Variants in RASA2 observed in about 807,000 individuals in gnomAD.
RASA2 encodes RAS p21 protein activator 2, also known as ras GTPase-activating protein 2.
RASA2 carries 155 observed loss-of-function variants against 118.2 expected under a neutral mutation model. The observed-to-expected ratio is 1.31, with a 90% CI of 1.15 to 1.50. The LOEUF (loss-of-function observed/expected upper bound fraction) is 1.50. RASA2 is among the 40% of genes most tolerant of loss of function. The pLI is 0.00. For missense variants in RASA2, 1,016 were observed against 1,009.6 expected, an observed-to-expected ratio of 1.01 and a Z score of -0.09; for synonymous variants, 353 against 349.1, an observed-to-expected ratio of 1.01 and a Z score of -0.12.
In RASA2 at chr3:141,512,295, T is replaced by A. The variant is rs765333641; in HGVS notation, c.251+15T>A. 14 of 1,512,304 alleles carry A rather than the reference T, an allele frequency of 9.3e-6. No homozygotes were observed. The highest frequency in any genetic ancestry group is 1.3e-5 in the Non-Finnish European group (14 of 1,107,836). 93.7% of individuals were successfully genotyped at this position (1,512,304 alleles called of 1,614,324 possible). A position where few individuals can be genotyped will look rare whatever the true frequency, so the allele number is the denominator to read the frequency against. On this transcript the variant is annotated intron_variant, in intron 2 of 23. Transcript: ENST00000286364. ...AAATCTTTAAGGTTGGTAGAAAAAA[T>A]TGGTAAATTATAATTTTTACTATAT... is the stretch of plus-strand genomic sequence containing the variant.
At position 141,487,196 on chromosome 3, in the gene RASA2, A is replaced by G; in HGVS notation, c.113A>G (p.Gln38Arg). 6.9e-7 allele frequency: 1 copy of G among 1,452,006 alleles called. No homozygotes were observed. The allele number at this position is 1,452,006 out of a possible 1,614,324, so 89.9% of individuals were successfully genotyped here. ...GACAGTCGCGAGGTTCGAGTGTTGC[A>G]GAGCCTGCGGGGCAAGATCTGTAAG... ...DQDSREVRVL[Q>R]SLRGKICEAK... Residue 38 changes from glutamine (Q) to arginine (R), a missense_variant, in exon 1 of 24, where the codon CAG (glutamine) becomes CGG (arginine). Gln to Arg is a conservative substitution (Grantham distance 43). Around this residue, in one of 2 missense-constraint regions of RASA2, gnomAD observed 896 missense variants for 836.4 expected, o/e 1.07. Coordinates refer to ENST00000286364, the MANE Select transcript of RASA2 (RefSeq NM_006506.5).
chr3:141,502,279 C>CT (rs532722563), intron 1 of RASA2, among the ~76,000 whole-genome samples: 2 of 152,020 alleles, frequency 1.3e-5, no homozygotes, highest in Non-Finnish European at 2.9e-5. Flanking sequence ...TCTATTTTTT[C>CT]TTTCCTCCTA....
At chr3:141,550,814 G>A (rs1022043082) in intron 5 of RASA2, among the ~76,000 whole-genome samples, 9 of 152,258 alleles carry the variant, frequency 5.9e-5, no homozygotes, top group South Asian at 2.1e-4. Context: ...CCGAGATTGC[G>A]CCACTGCACT....
chr3:141,540,596 C>G lies in RASA2; in HGVS notation c.514C>G (p.Gln172Glu). ...LITENGTVCQ[Q>E]LVVHIKACHG... Reference sequence around the variant, plus strand: ...AACGGAGAATGGAACTGTATGCCAGCAGCTTGTTGTACAGTAAGCATTTTT... The same window carrying G: ...AACGGAGAATGGAACTGTATGCCAGGAGCTTGTTGTACAGTAAGCATTTTT... Residue 172 changes from glutamine (Q) to glutamate (E), a missense_variant, in exon 5 of 24, where the codon CAG (glutamine) becomes GAG (glutamate). Gln to Glu is a conservative substitution (Grantham distance 29). Coordinates refer to ENST00000286364, the MANE Select transcript of RASA2 (RefSeq NM_006506.5). 6.2e-7 allele frequency: 1 copy of G among 1,611,630 alleles called. No homozygotes were observed. The highest frequency in any genetic ancestry group is 8.5e-7 in the Non-Finnish European group (1 of 1,178,182).
At chr3:141,539,487 G>A (rs1195296068) in intron 4 of RASA2, among the ~76,000 whole-genome samples, 1 of 152,124 alleles carries the variant, frequency 6.6e-6, no homozygotes, top group African/African-American at 2.4e-5. Context: ...AAAATAGTGA[G>A]GGTGTTTCAG....
At chr3:141,599,213 TTGAAGATTGAGTTTC>T (rs1027947448) in intron 19 of RASA2, among the ~76,000 whole-genome samples, 1 of 151,606 alleles carries the variant, frequency 6.6e-6, no homozygotes, top group Admixed American at 6.6e-5. Context: ...TGTTTGTGGA[TTGAAGATTGAGTTTC>T]TTTGTTTTTT....
At position 141,612,672 on chromosome 3, in the gene RASA2, A is replaced by T. The variant is rs1577841388; in HGVS notation, c.*359A>T. 1.1e-5 allele frequency: 2 copies of T among 187,306 alleles called. 1 individual carries two copies. The allele number at this position is 187,306 out of a possible 1,614,324, so 11.6% of individuals were successfully genotyped here. A position where few individuals can be genotyped will look rare whatever the true frequency, so the allele number is the denominator to read the frequency against. On this transcript the variant is annotated 3_prime_UTR_variant, in exon 24 of 24. Coordinates refer to ENST00000286364, the MANE Select transcript of RASA2 (RefSeq NM_006506.5). ...CACTCTGTTCTGTGGACTTGTTTTC[A>T]CTACCATCAGTGCCTGCTCTATACT...
At chr3:141,586,617 C>G in intron 18 of RASA2, 29 bp from the exon 19 acceptor site, 1 of 1,468,352 alleles carries the variant, frequency 6.8e-7, no homozygotes, top group East Asian at 2.3e-5. Context: ...ATTTTTATAG[C>G]TAAATGTTTA....
intron 4 of RASA2, among the ~76,000 whole-genome samples, chr3:141,536,034 T>C (rs2082321078): frequency 6.6e-6 from 1 of 152,242 alleles, no homozygotes; most frequent in South Asian, 2.1e-4. Context: ...TATTTTTGTG[T>C]GAAATTTTTG....
At position 141,614,528 on chromosome 3, in the gene RASA2, A is replaced by G. The variant is rs1486952393; in HGVS notation, c.*2215A>G. On this transcript the variant is annotated 3_prime_UTR_variant, in exon 24 of 24. Coordinates refer to ENST00000286364, the MANE Select transcript of RASA2 (RefSeq NM_006506.5). ...CTGATATTCTTTCTCTACCTTTTCCACATTTGAAAATATACAAGGCAGCTC... is the reference window on the plus strand; with the variant it reads ...CTGATATTCTTTCTCTACCTTTTCCGCATTTGAAAATATACAAGGCAGCTC... The G allele has an allele frequency of 2.6e-5, 4 of 152,160 alleles. No individual in the cohort carries two copies. Among genetic ancestry groups the G allele is most frequent in the Non-Finnish European group, 5.9e-5 (4 of 68,030 alleles). 9.4% of individuals were successfully genotyped at this position (152,160 alleles called of 1,614,324 possible).
chr3:141,505,658 G>A (rs1328760877), intron 1 of RASA2, among the ~76,000 whole-genome samples: 4 of 152,190 alleles, frequency 2.6e-5, no homozygotes, highest in African/African-American at 9.7e-5. Context: ...TTTTGTGCCA[G>A]ACTAAGGAAT....
At chr3:141,528,545 C>A (rs1226431285) in intron 3 of RASA2, among the ~76,000 whole-genome samples, 2 of 151,088 alleles carry the variant, frequency 1.3e-5, no homozygotes, top group African/African-American at 4.9e-5. Context: ...ATCTTTTTTT[C>A]TTTTTTCCAG....
rs201049693 is a variant in RASA2 at position 141,529,789 on chromosome 3, A to G, written c.437A>G (p.Asn146Ser). Residue 146 changes from asparagine to serine, a missense_variant, in exon 4 of 24, where the codon AAT (asparagine) becomes AGT (serine). This residue lies in a region of RASA2 where 896 missense variants were observed against 836.4 expected (regional missense o/e 1.07). Transcript: ENST00000286364. The part of the protein sequence containing the change: ...TWFSLQPVDS[N>S]SEVQGKVHLE... ...TTTTCATTACAGCCTGTTGACTCCA[A>G]TTCAGAGGTTCAGGTAAATATTAAG... is the stretch of plus-strand genomic sequence containing the variant. 1.3e-5 allele frequency: 21 copies of G among 1,604,896 alleles called. No individual in the cohort carries two copies. The highest frequency in any genetic ancestry group is 1.5e-5 in the Non-Finnish European group (18 of 1,172,124).
intron 9 of RASA2, among the ~76,000 whole-genome samples, chr3:141,568,480 T>C (rs1177444981): frequency 2.6e-5 from 4 of 151,678 alleles, no homozygotes; most frequent in African/African-American, 9.7e-5. Context: ...GTTTTGAAGA[T>C]AGGAAAAAAG....
intron 1 of RASA2, among the ~76,000 whole-genome samples, chr3:141,490,871 A>G (rs562065517): frequency 4.6e-5 from 7 of 152,304 alleles, no homozygotes; most frequent in African/African-American, 1.4e-4. Flanking sequence ...ACGGGTTGTT[A>G]TGAGGTTTAA....
intron 14 of RASA2, among the ~76,000 whole-genome samples, chr3:141,575,690 ATACTC>A (rs146340119): frequency 0.13 from 19,533 of 152,162 alleles, 1,786 homozygotes; most frequent in East Asian, 0.24. Flanking sequence ...GCCATTCACT[ATACTC>A]TATACTAACT....
chr3:141,585,829 C>A (rs1014319016), intron 17 of RASA2, among the ~76,000 whole-genome samples, 196 bp from the exon 18 acceptor site: 1 of 151,646 alleles, frequency 6.6e-6, no homozygotes, highest in Non-Finnish European at 1.5e-5. Context: ...ATAAATAATA[C>A]TTTTATAATA....
At chr3:141,498,675 A>G (rs567690652) in intron 1 of RASA2, among the ~76,000 whole-genome samples, 1 of 152,250 alleles carries the variant, frequency 6.6e-6, no homozygotes, top group African/African-American at 2.4e-5. Flanking sequence ...GCGAAGATCA[A>G]TATGAATCCT....
At chr3:141,535,280 T>G (rs1420470184) in intron 4 of RASA2, among the ~76,000 whole-genome samples, 2 of 152,204 alleles carry the variant, frequency 1.3e-5, no homozygotes, top group East Asian at 3.8e-4. Context: ...AAAAAATTTT[T>G]GTGACTTTCT....
Sources: gnomAD v4.1 joint callset for allele counts (sites outside exome capture counted in the v4.1 genomes callset) on GRCh38, gnomAD v4.1.1 for gene constraint, gnomAD v4.1.1 regional missense constraint, MANE v1.5 for transcripts, NCBI Gene and HGNC (gene_info 2026-07-23, HGNC 2026-07-21) for gene names.